The following FSTL1 variants were observed in gnomAD, a reference collection of about 807,000 sequenced individuals.
FSTL1 encodes the protein follistatin-related protein 1.
A neutral mutation model predicts 45.9 loss-of-function variants in FSTL1; 24 were observed. The ratio of observed to expected loss-of-function variants is 0.52; its 90% confidence interval spans 0.38 to 0.74. FSTL1 has a LOEUF of 0.74. Ranked by LOEUF, FSTL1 falls within the 30% of genes least tolerant of loss-of-function variation. The pLI, the probability that FSTL1 is intolerant of heterozygous loss-of-function variation, is 0.00. For synonymous variants in FSTL1, 120 were observed against 137.6 expected (o/e 0.87, Z 0.89); for missense variants, 340 against 381.8 (o/e 0.89, Z 0.91).
At chr3:120,425,137 A>G (rs944095263) in intron 2 of FSTL1, among the ~76,000 whole-genome samples, 5 of 152,138 alleles carry the variant, frequency 3.3e-5, no homozygotes, top group African/African-American at 1.2e-4. Context: ...TGGCCAGGGT[A>G]TGGGGCTTGG....
At chr3:120,412,070 C>G in intron 3 of FSTL1, 87 bp from the exon 4 acceptor site, 2 of 1,053,092 alleles carry the variant, frequency 1.9e-6, no homozygotes, top group East Asian at 2.5e-5. Flanking sequence ...CACACACACA[C>G]AGAGCCATTT....
At chr3:120,401,765 A>G (rs1459847632) in intron 9 of FSTL1, among the ~76,000 whole-genome samples, 3 of 152,072 alleles carry the variant, frequency 2.0e-5, no homozygotes. Flanking sequence ...ACATTTTTGT[A>G]GGGACATGGT....
intron 2 of FSTL1, among the ~76,000 whole-genome samples, chr3:120,447,402 C>T (rs1486684377): frequency 6.6e-6 from 1 of 152,156 alleles, no homozygotes; most frequent in Non-Finnish European, 1.5e-5. Flanking sequence ...AATCTACACA[C>T]ATCTAGAGAC....
chr3:120,413,797 C>CT (rs1486642793), intron 3 of FSTL1, among the ~76,000 whole-genome samples: 22 of 4,552 alleles, frequency 4.8e-3, no homozygotes, highest in Non-Finnish European at 8.9e-3. Flanking sequence ...CTCTCCCCCT[C>CT]CCCCTCCCTC....
chr3:120,392,641 T>A lies in FSTL1; in HGVS notation c.*4311A>T, dbSNP rs1158407860. ...ATCATTAGGAAAACATTAATTCTCA[T>A]TGACAGGAAGACCCTCCTTCCTATT... On this transcript the variant is annotated 3_prime_UTR_variant, in exon 11 of 11. Coordinates refer to ENST00000295633, the MANE Select transcript of FSTL1 (RefSeq NM_007085.5). 6.6e-6 allele frequency: 1 copy of A among 152,222 alleles called. No homozygotes were observed. The highest frequency in any genetic ancestry group is 2.4e-5 in the African/African-American group (1 of 41,464). 9.4% of individuals were successfully genotyped at this position (152,222 alleles called of 1,614,324 possible). A position where few individuals can be genotyped will look rare whatever the true frequency, so the allele number is the denominator to read the frequency against.
chr3:120,432,625 C>A (rs1162592812), intron 2 of FSTL1, among the ~76,000 whole-genome samples: 1 of 152,206 alleles, frequency 6.6e-6, no homozygotes, highest in African/African-American at 2.4e-5. Flanking sequence ...GTGGTAAAAA[C>A]ACTTCCAAGT....
chr3:120,441,397 A>G (rs372885438), intron 2 of FSTL1: 17 of 152,218 alleles, frequency 1.1e-4, no homozygotes, highest in African/African-American at 3.9e-4. Flanking sequence ...GAGTACTTCA[A>G]TCTCTTCCTG....
intron 10 of FSTL1, 141 bp from the exon 11 acceptor site, chr3:120,397,137 A>G (rs1936718875): frequency 1.4e-6 from 1 of 730,118 alleles, no homozygotes; most frequent in African/African-American, 1.7e-5. Context: ...TCCTCCACGG[A>G]CAATGAACAA....
intron 9 of FSTL1, 191 bp from the exon 10 acceptor site, chr3:120,400,150 G>A: frequency 1.7e-6 from 1 of 595,376 alleles, no homozygotes; most frequent in East Asian, 2.8e-5. Context: ...GTAACACATT[G>A]TAACAAAGCA....
Position 120,395,962 on chromosome 3 carries a change from A to G in FSTL1, c.*990T>C. 1 of 294,594 alleles carries G rather than the reference A, an allele frequency of 3.4e-6. No individual in the cohort carries two copies. Among genetic ancestry groups the G allele is most frequent in the Non-Finnish European group, 6.5e-6 (1 of 153,948 alleles). 18.2% of individuals were successfully genotyped at this position (294,594 alleles called of 1,614,324 possible). On this transcript the variant is annotated 3_prime_UTR_variant, in exon 11 of 11. Coordinates refer to ENST00000295633, the MANE Select transcript of FSTL1 (RefSeq NM_007085.5). ...TTCTCAGAATAAATAAAAACAAATT[A>G]ATGTTTGGATCTTGAAAGTTTTTTA... is the stretch of plus-strand genomic sequence containing the variant.
chr3:120,410,577 A>G, intron 5 of FSTL1: 1 of 359,536 alleles, frequency 2.8e-6, no homozygotes. Context: ...CAGAAGTCTT[A>G]CTGGCATTTC....
At position 120,395,773 on chromosome 3, in the gene FSTL1, G is replaced by T. The variant is rs762405072; in HGVS notation, c.*1179C>A. 1.9e-6 allele frequency: 1 copy of T among 528,712 alleles called. No homozygotes were observed. The highest frequency in any genetic ancestry group is 3.9e-6 in the Non-Finnish European group (1 of 258,446). 32.8% of individuals were successfully genotyped at this position (528,712 alleles called of 1,614,324 possible). A position where few individuals can be genotyped will look rare whatever the true frequency, so the allele number is the denominator to read the frequency against. ...TAACTTATCAAATCAAAAGGTTAGT[G>T]CATTCTTACCAGCTCACTGAGGAAA... On this transcript the variant is annotated 3_prime_UTR_variant, in exon 11 of 11. Coordinates refer to ENST00000295633, the MANE Select transcript of FSTL1 (RefSeq NM_007085.5).
intron 2 of FSTL1, among the ~76,000 whole-genome samples, chr3:120,437,627 G>GCACACA (rs111980425): frequency 6.7e-6 from 1 of 149,622 alleles, no homozygotes; most frequent in African/African-American, 2.5e-5. Context: ...ACATATCCAT[G>GCACACA]CACACACACA....
At chr3:120,448,461 T>C (rs1057130832) in intron 2 of FSTL1, among the ~76,000 whole-genome samples, 1 of 152,212 alleles carries the variant, frequency 6.6e-6, no homozygotes, top group African/African-American at 2.4e-5. Context: ...ATATTATTAT[T>C]AAATGGATTA....
intron 2 of FSTL1, among the ~76,000 whole-genome samples, chr3:120,429,107 A>G (rs987547013): frequency 2.0e-5 from 3 of 152,232 alleles, no homozygotes; most frequent in African/African-American, 7.2e-5. Context: ...TGGCTCCTCC[A>G]GCTTGCCCAC....
intron 2 of FSTL1, among the ~76,000 whole-genome samples, chr3:120,442,010 T>G (rs1448887800): frequency 6.6e-6 from 1 of 152,214 alleles, no homozygotes; most frequent in Non-Finnish European, 1.5e-5. Context: ...AGTAACAACC[T>G]GAGCCAGCAC....
chr3:120,429,641 C>T lies in FSTL1; in HGVS notation c.64-13614G>A, dbSNP rs1937443335. ...AATACTCAAAAGACCCAAACCCAAA[C>T]CCAATAACCTAGGAAAGACAAACCC... On this transcript the variant is annotated intron_variant, in intron 2 of 10. Coordinates refer to ENST00000295633, the MANE Select transcript of FSTL1 (RefSeq NM_007085.5). Among the ~76,000 whole-genome samples, 3 of 152,160 alleles carry T rather than the reference C, an allele frequency of 2.0e-5. No individual in the cohort carries two copies. The South Asian group carries it at 6.2e-4, about 32-fold the overall frequency.
At chr3:120,397,817 C>G (rs751763104) in intron 10 of FSTL1, among the ~76,000 whole-genome samples, 9 of 152,176 alleles carry the variant, frequency 5.9e-5, no homozygotes, top group Non-Finnish European at 1.3e-4. Flanking sequence ...ATGTTCCTAA[C>G]AGCTTTATTT....
chr3:120,433,406 A>G (rs911367023), intron 2 of FSTL1, among the ~76,000 whole-genome samples: 1 of 152,224 alleles, frequency 6.6e-6, no homozygotes, highest in Admixed American at 6.5e-5. Flanking sequence ...AGAGATGACT[A>G]TCATTAAGAT....
Sources: allele counts gnomAD v4.1 joint callset (sites outside exome capture counted in the v4.1 genomes callset), GRCh38; gene constraint gnomAD v4.1.1; transcripts MANE v1.5; gene names NCBI Gene and HGNC (gene_info 2026-07-23, HGNC 2026-07-21).